Variants in ADAMTS6 observed in about 807,000 individuals in gnomAD.
ADAMTS6 encodes the protein ADAM metallopeptidase with thrombospondin type 1 motif 6.
Under a neutral mutation model 144.3 loss-of-function variants are expected in ADAMTS6, and 23 were observed. The observed-to-expected ratio is 0.16, with a 90% confidence interval of 0.11 to 0.23. ADAMTS6 has a LOEUF of 0.23. Among genes scored for constraint, ADAMTS6 ranks in the 10% least tolerant of loss-of-function variants. The pLI is 1.00. For missense variants in ADAMTS6, 999 were observed against 1,379.6 expected, an observed-to-expected ratio of 0.72 and a Z score of 4.37; for synonymous variants, 444 against 457.5, an observed-to-expected ratio of 0.97 and a Z score of 0.38.
At chr5:65,345,919 C>T (rs1471968784) in intron 7 of ADAMTS6, among the ~76,000 whole-genome samples, 5 of 151,912 alleles carry the variant, frequency 3.3e-5, no homozygotes, top group Non-Finnish European at 7.4e-5. Context: ...AAAGAAAGCA[C>T]AGTTGTGCTC....
At chr5:65,162,621 AC>A (rs1752847673) in intron 24 of ADAMTS6, among the ~76,000 whole-genome samples, 1 of 2,790 alleles carries the variant, frequency 3.6e-4, no homozygotes, top group South Asian at 0.018. Flanking sequence ...ATAAGATACT[AC>A]ACACACACAC....
chr5:65,270,776 C>T (rs1193701114), intron 12 of ADAMTS6, among the ~76,000 whole-genome samples: 1 of 152,130 alleles, frequency 6.6e-6, no homozygotes, highest in Non-Finnish European at 1.5e-5. Flanking sequence ...ATATAAATGA[C>T]CCCTTGACAT....
intron 12 of ADAMTS6, among the ~76,000 whole-genome samples, chr5:65,268,459 G>T (rs2112630788): frequency 6.6e-6 from 1 of 152,222 alleles, no homozygotes; most frequent in South Asian, 2.1e-4. Context: ...AAGGGCTATT[G>T]CTGATGCTGT....
chr5:65,413,026 C>T (rs1020709649), intron 7 of ADAMTS6, among the ~76,000 whole-genome samples: 2 of 152,114 alleles, frequency 1.3e-5, no homozygotes, highest in African/African-American at 4.8e-5. Context: ...TTCCAACCTA[C>T]GTATCAAAAA....
In ADAMTS6 at chr5:65,327,076, G is replaced by A. The variant is rs1580404224; in HGVS notation, c.1223+2302C>T. ...ATAATTGGCTTGGTGCCTTCCTGGG[G>A]AGAATGAATGAATTCTTGCTCTATG... On this transcript the variant is annotated intron_variant, in intron 9 of 24. Transcript: ENST00000381055. Among the ~76,000 whole-genome samples, 4 of 152,248 alleles carry A rather than the reference G, an allele frequency of 2.6e-5. No individual in the cohort carries two copies. The Middle Eastern group carries it at 0.01, about 391-fold the overall frequency.
chr5:65,438,992 G>A (rs1469539064), intron 7 of ADAMTS6, among the ~76,000 whole-genome samples: 3 of 152,012 alleles, frequency 2.0e-5, no homozygotes, highest in African/African-American at 7.2e-5. Flanking sequence ...CTATTTACTG[G>A]CAGGGTGGTA....
Position 65,161,281 on chromosome 5 carries a change from T to C in ADAMTS6, c.3244+9336A>G, listed in dbSNP as rs1752759779. 1.4e-5 allele frequency among the ~76,000 whole-genome samples: 2 copies of C among 146,590 alleles called. 1 individual carries two copies. Among genetic ancestry groups the C allele is most frequent in the South Asian group, 4.4e-4 (2 of 4,554 alleles). On this transcript the variant is annotated intron_variant, in intron 24 of 24. Coordinates refer to ENST00000381055, the MANE Select transcript of ADAMTS6 (RefSeq NM_197941.4). ...TCAAACTCCTGGGCTCAAGCAATCCTCTCCCCTTGGCCTCCCAAAATGTTG... is the reference window on the plus strand; with the variant it reads ...TCAAACTCCTGGGCTCAAGCAATCCCCTCCCCTTGGCCTCCCAAAATGTTG...
At chr5:65,454,525 C>A (rs1161255867) in intron 4 of ADAMTS6, among the ~76,000 whole-genome samples, 1 of 152,150 alleles carries the variant, frequency 6.6e-6, no homozygotes, top group Non-Finnish European at 1.5e-5. Context: ...ACCTCTGTCT[C>A]CTAATGTTCA....
intron 24 of ADAMTS6, among the ~76,000 whole-genome samples, chr5:65,157,094 C>T (rs1047233515): frequency 6.6e-6 from 1 of 152,198 alleles, no homozygotes; most frequent in Non-Finnish European, 1.5e-5. Context: ...CCCCTAGGCG[C>T]TGAAATGTGA....
intron 7 of ADAMTS6, among the ~76,000 whole-genome samples, chr5:65,440,330 C>T (rs1757768163): frequency 6.6e-6 from 1 of 152,108 alleles, no homozygotes; most frequent in African/African-American, 2.4e-5. Flanking sequence ...ATACACTAGA[C>T]ATCAGGAAGC....
intron 8 of ADAMTS6, among the ~76,000 whole-genome samples, chr5:65,331,855 A>C (rs1045652232): frequency 6.6e-6 from 1 of 152,022 alleles, no homozygotes; most frequent in Non-Finnish European, 1.5e-5. Context: ...GTATATATAC[A>C]TATATATGCA....
At position 65,261,617 on chromosome 5, in the gene ADAMTS6, G is replaced by A. The variant is rs192170154; in HGVS notation, c.1767-954C>T. On this transcript the variant is annotated intron_variant, in intron 13 of 24. Transcript: ENST00000381055. ...CATTTTGAATATATTTTGAATGCCA[G>A]TGAATGCTGACTCTAAGTAAGGAAG... is the stretch of plus-strand genomic sequence containing the variant. 2.4e-3 allele frequency among the ~76,000 whole-genome samples: 372 copies of A among 152,324 alleles called. 2 individuals are homozygous for A. The highest frequency in any genetic ancestry group is 0.014 in the Middle Eastern group (4 of 294).
chr5:65,296,678 G>T (rs1394514269), intron 10 of ADAMTS6, among the ~76,000 whole-genome samples: 1 of 152,102 alleles, frequency 6.6e-6, no homozygotes, highest in Admixed American at 6.6e-5. Flanking sequence ...TCTTATATCA[G>T]TTCTCTTGTA....
At chr5:65,190,055 A>G (rs1754912899) in intron 21 of ADAMTS6, among the ~76,000 whole-genome samples, 1 of 152,218 alleles carries the variant, frequency 6.6e-6, no homozygotes, top group Non-Finnish European at 1.5e-5. Flanking sequence ...TCAGAGTACT[A>G]GTATCCTAAA....
chr5:65,311,831 C>G (rs565837111), intron 9 of ADAMTS6, among the ~76,000 whole-genome samples: 2 of 152,108 alleles, frequency 1.3e-5, no homozygotes, highest in Non-Finnish European at 2.9e-5. Flanking sequence ...TTTTTAAAAT[C>G]ATAACAGATG....
chr5:65,266,288 T>G (rs1761623837), intron 12 of ADAMTS6, among the ~76,000 whole-genome samples: 1 of 151,964 alleles, frequency 6.6e-6, no homozygotes, highest in Non-Finnish European at 1.5e-5. Flanking sequence ...TGTTCATCAC[T>G]AAAGTCTACA....
chr5:65,324,625 T>C, intron 9 of ADAMTS6, among the ~76,000 whole-genome samples: 1 of 152,094 alleles, frequency 6.6e-6, no homozygotes, highest in Middle Eastern at 3.4e-3. Context: ...TATATGTGTA[T>C]ATATACACAC....
At chr5:65,425,437 T>C (rs1426095393) in intron 7 of ADAMTS6, among the ~76,000 whole-genome samples, 1 of 152,186 alleles carries the variant, frequency 6.6e-6, no homozygotes, top group Non-Finnish European at 1.5e-5. Context: ...GCCAATAACC[T>C]CATCTTTTCC....
intron 14 of ADAMTS6, among the ~76,000 whole-genome samples, chr5:65,250,740 A>G (rs1760086023): frequency 6.6e-6 from 1 of 152,224 alleles, no homozygotes; most frequent in African/African-American, 2.4e-5. Context: ...AATCACAAGT[A>G]ATATGGAATA....
Sources: allele counts gnomAD v4.1 joint callset (sites outside exome capture counted in the v4.1 genomes callset), GRCh38; gene constraint gnomAD v4.1.1; transcripts MANE v1.5; gene names NCBI Gene and HGNC (gene_info 2026-07-23, HGNC 2026-07-21).